HBEGF: variants seen among roughly 807,000 people sequenced by gnomAD.
HBEGF encodes the protein heparin binding EGF like growth factor.
A neutral mutation model predicts 19.5 loss-of-function variants in HBEGF; 8 were observed. The observed-to-expected ratio is 0.41, with a 90% confidence interval of 0.24 to 0.74. The LOEUF is 0.74. HBEGF is among the 30% of genes least tolerant of loss of function. The probability of loss-of-function intolerance (pLI) is 0.32; values close to 1 mark genes in which losing one functional copy is unlikely to be tolerated. For synonymous variants in HBEGF, 97 were observed against 108.9 expected, an observed-to-expected ratio of 0.89 and a Z score of 0.68; for missense variants, 207 against 256.9, an observed-to-expected ratio of 0.81 and a Z score of 1.33.
Position 140,346,200 on chromosome 5 carries a change from G to A in HBEGF, c.46+83C>T. 6.4e-7 allele frequency: 1 copy of A among 1,554,840 alleles called. No individual in the cohort carries two copies. ...GGCCCCACCAAGTGGCCCGTGCCGG[G>A]TGCGCTGCGGCGACCTTCCCCCATG... On this transcript the variant is annotated intron_variant, in intron 1 of 5. Coordinates refer to ENST00000230990, the MANE Select transcript of HBEGF (RefSeq NM_001945.3). The surrounding 1 kb of genome is among the most constrained non-coding windows in gnomAD (Gnocchi z 6.1).
intron 3 of HBEGF, among the ~76,000 whole-genome samples, chr5:140,337,441 C>G (rs966836688): frequency 6.6e-6 from 1 of 152,206 alleles, no homozygotes. Context: ...GACTTTAGAC[C>G]ACCAGCTGCT....
chr5:140,342,280 C>T (rs866901348), intron 3 of HBEGF, among the ~76,000 whole-genome samples: 5 of 152,310 alleles, frequency 3.3e-5, no homozygotes, highest in Admixed American at 1.3e-4. Context: ...GCCCTGGAAG[C>T]CCACTCTGCC....
chr5:140,334,643 A>G lies in HBEGF; in HGVS notation c.*18+15T>C. On this transcript the variant is annotated intron_variant, in intron 5 of 5. Transcript: ENST00000230990. The stretch of plus-strand genomic sequence containing the variant: ...AAAGGATAATCATGTCATGGGGCAA[A>G]GGATGGAGCGTTACCTTGAGCACAA... 6.5e-7 allele frequency: 1 copy of G among 1,527,382 alleles called. No individual in the cohort carries two copies. Among genetic ancestry groups the G allele is most frequent in the Non-Finnish European group, 9.1e-7 (1 of 1,100,750 alleles). The allele number at this position is 1,527,382 out of a possible 1,614,324, so 94.6% of individuals were successfully genotyped here.
intron 3 of HBEGF, among the ~76,000 whole-genome samples, chr5:140,337,964 A>G (rs1766253328): frequency 6.6e-6 from 1 of 152,164 alleles, no homozygotes; most frequent in African/African-American, 2.4e-5. Context: ...ACAACCCCAT[A>G]TTACAGATGG....
At chr5:140,341,873 C>A (rs4150214) in intron 3 of HBEGF, among the ~76,000 whole-genome samples, 46,627 of 152,060 alleles carry the variant, frequency 0.31, 7,621 homozygotes, top group African/African-American at 0.4. Flanking sequence ...GCCAAGGCAG[C>A]CGTTTGCTGG....
In HBEGF at chr5:140,335,998, C is replaced by T; in HGVS notation, c.428G>A (p.Cys143Tyr). Residue 143 changes from cysteine to tyrosine, a missense_variant, in exon 4 of 6, where the codon TGT becomes TAT. Cys to Tyr is a radical substitution (Grantham distance 194). Around this residue, in one of 3 missense-constraint regions of HBEGF, gnomAD observed 77 missense variants for 106.9 expected, o/e 0.72. Transcript: ENST00000230990. ...TTCCACTGGGAGGCTCAGCCCATGA[C>T]ACCTCTCTCCATGGTAACCCGGGTG... ...ICHPGYHGERCHGLSLPVENR... is the reference protein window; with the variant it reads ...ICHPGYHGERYHGLSLPVENR... 4.3e-6 allele frequency: 7 copies of T among 1,614,080 alleles called. No individual in the cohort carries two copies. The highest frequency in any genetic ancestry group is 1.1e-5 in the South Asian group (1 of 91,082).
At chr5:140,341,426 T>C (rs953931224) in intron 3 of HBEGF, among the ~76,000 whole-genome samples, 2 of 152,146 alleles carry the variant, frequency 1.3e-5, no homozygotes, top group African/African-American at 4.8e-5. Flanking sequence ...TTGGGAAGGA[T>C]AATATGGGGG....
At position 140,346,218 on chromosome 5, in the gene HBEGF, C is replaced by T; in HGVS notation, c.46+65G>A. On this transcript the variant is annotated intron_variant, in intron 1 of 5. Coordinates refer to ENST00000230990, the MANE Select transcript of HBEGF (RefSeq NM_001945.3). The surrounding 1 kb of genome is among the most constrained non-coding windows in gnomAD (Gnocchi z 6.1). ...GTGCCGGGTGCGCTGCGGCGACCTT[C>T]CCCCATGCCCCCAGCACAACGCCCC... 3 of 1,559,876 alleles carry T rather than the reference C, an allele frequency of 1.9e-6. No individual in the cohort carries two copies. The South Asian group carries it at 3.5e-5, about 18-fold the overall frequency.
At position 140,342,758 on chromosome 5, in the gene HBEGF, C is replaced by A; in HGVS notation, c.275G>T (p.Gly92Val). The change falls in exon 3 of 6, where the codon GGG becomes GTG. Residue 92 changes from glycine to valine, a missense_variant. Gly to Val is a moderately radical substitution (Grantham distance 109). Coordinates refer to ENST00000230990, the MANE Select transcript of HBEGF (RefSeq NM_001945.3). ...ALATPNKEEHGKRKKKGKGLG... is the reference protein window; with the variant it reads ...ALATPNKEEHVKRKKKGKGLG... The stretch of plus-strand genomic sequence containing the variant: ...CCCCTTGCCTTTCTTCTTTCTTTTC[C>A]CGTGCTCCTCCTTGTTTGGTGTGGC... 1.2e-6 allele frequency: 2 copies of A among 1,614,168 alleles called. No homozygotes were observed. Among genetic ancestry groups the A allele is most frequent in the East Asian group, 4.5e-5 (2 of 44,888 alleles).
At chr5:140,339,400 T>C (rs1219493823) in intron 3 of HBEGF, among the ~76,000 whole-genome samples, 1 of 152,182 alleles carries the variant, frequency 6.6e-6, no homozygotes. Flanking sequence ...TTTATTATTA[T>C]TATTTTTTTG....
intron 2 of HBEGF, among the ~76,000 whole-genome samples, chr5:140,345,161 C>T (rs1766376750): frequency 6.6e-6 from 1 of 152,194 alleles, no homozygotes; most frequent in Admixed American, 6.5e-5. Context: ...TTGCTCTACT[C>T]TGGATAATCT....
intron 2 of HBEGF, 71 bp downstream of exon 2, chr5:140,345,840 G>A: frequency 7.0e-6 from 11 of 1,581,564 alleles, no homozygotes; most frequent in African/African-American, 1.3e-5. Flanking sequence ...TGCCCAAACA[G>A]CAAGAATCTT....
chr5:140,344,799 C>T (rs1168952412), intron 2 of HBEGF, among the ~76,000 whole-genome samples: 1 of 143,592 alleles, frequency 7.0e-6, no homozygotes. Flanking sequence ...AGGCTCCTGC[C>T]ATGGACAGGG....
chr5:140,342,767 T>C lies in HBEGF; in HGVS notation c.266A>G (p.Glu89Gly). 6.2e-7 allele frequency: 1 copy of C among 1,614,196 alleles called. No homozygotes were observed. Among genetic ancestry groups the C allele is most frequent in the South Asian group, 1.1e-5 (1 of 91,084 alleles). ...KPQALATPNKEEHGKRKKKGK... is the reference protein window; with the variant it reads ...KPQALATPNKGEHGKRKKKGK... ...TTTCTTCTTTCTTTTCCCGTGCTCC[T>C]CCTTGTTTGGTGTGGCCAGTGCTTG... The change falls in exon 3 of 6, where the codon GAG becomes GGG. Residue 89 changes from glutamate to glycine, a missense_variant. This residue lies in a region of HBEGF where 127 missense variants were observed against 132.7 expected (regional missense o/e 0.96). Coordinates refer to ENST00000230990, the MANE Select transcript of HBEGF (RefSeq NM_001945.3).
At chr5:140,339,518 T>C (rs957302457) in intron 3 of HBEGF, among the ~76,000 whole-genome samples, 20 of 152,120 alleles carry the variant, frequency 1.3e-4, no homozygotes, top group African/African-American at 4.6e-4. Context: ...TCAGCCTCTC[T>C]AGTAGCTGAG....
chr5:140,334,856 G>GA, intron 4 of HBEGF, 108 bp from the exon 5 acceptor site: 1 of 906,422 alleles, frequency 1.1e-6, no homozygotes, highest in South Asian at 1.4e-5. Context: ...CTACTACTTG[G>GA]AAAAGCCCAG....
At position 140,335,960 on chromosome 5, in the gene HBEGF, T is replaced by C. The variant is rs1766221796; in HGVS notation, c.466A>G (p.Thr156Ala). The change falls in exon 4 of 6, where the codon ACC becomes GCC. Residue 156 changes from threonine to alanine, a missense_variant. Physicochemically the swap from Thr to Ala is moderately conservative, Grantham distance 58. This residue lies in a region of HBEGF where 77 missense variants were observed against 106.9 expected (regional missense o/e 0.72). Transcript: ENST00000230990. ...LSLPVENRLYTYDHTTILAVV... is the reference protein window; with the variant it reads ...LSLPVENRLYAYDHTTILAVV... ...GCCAGGATGGTTGTGTGGTCATAGG[T>C]ATATAAGCGATTTTCCACTGGGAGG... The C allele has an allele frequency of 6.2e-7, 1 of 1,613,928 alleles. No individual in the cohort carries two copies. The highest frequency in any genetic ancestry group is 1.1e-5 in the South Asian group (1 of 91,066).
chr5:140,341,748 T>A (rs1208859766), intron 3 of HBEGF, among the ~76,000 whole-genome samples: 2 of 152,058 alleles, frequency 1.3e-5, no homozygotes, highest in Non-Finnish European at 2.9e-5. Context: ...AGAGCCTCCC[T>A]CCCCACAGGG....
chr5:140,346,230 C>T lies in HBEGF; in HGVS notation c.46+53G>A. 2 of 1,572,206 alleles carry T rather than the reference C, an allele frequency of 1.3e-6. No homozygotes were observed. Among genetic ancestry groups the T allele is most frequent in the South Asian group, 2.3e-5 (2 of 86,560 alleles). On this transcript the variant is annotated intron_variant, in intron 1 of 5. Transcript: ENST00000230990. This position sits in a 1 kb window ranked among gnomAD's most constrained non-coding sequence, Gnocchi z 6.1. ...CTGCGGCGACCTTCCCCCATGCCCC[C>T]AGCACAACGCCCCCATCCCCCCGAT...
Sources: gnomAD v4.1 joint callset for allele counts (sites outside exome capture counted in the v4.1 genomes callset) on GRCh38, gnomAD v4.1.1 for gene constraint, gnomAD v4.1.1 regional missense constraint, Gnocchi (gnomAD v3.1) non-coding constraint, MANE v1.5 for transcripts, NCBI Gene and HGNC (gene_info 2026-07-23, HGNC 2026-07-21) for gene names.